CHMP2B: variants seen among roughly 807,000 people sequenced by gnomAD.
The protein encoded by CHMP2B is charged multivesicular body protein 2B, also known as VPS2 homolog B.
CHMP2B carries 22 observed loss-of-function variants against 29.8 expected under a neutral mutation model. The ratio of observed to expected loss-of-function variants is 0.74; its 90% CI spans 0.53 to 1.05. CHMP2B has a LOEUF of 1.05. Ranked by LOEUF, CHMP2B falls within the 50% of genes least tolerant of loss-of-function variation. The pLI is 0.00. For missense variants in CHMP2B, 261 were observed against 252.2 expected (o/e 1.03, Z -0.24); for synonymous variants, 78 against 75.8 (o/e 1.03, Z -0.15).
chr3:87,249,530 A>G (rs1265314654), intron 3 of CHMP2B, among the ~76,000 whole-genome samples: 4 of 152,022 alleles, frequency 2.6e-5, no homozygotes, highest in Non-Finnish European at 1.5e-5. Context: ...AATTAAATTT[A>G]AAAATTTATT....
chr3:87,237,406 G>C (rs1437079396), intron 1 of CHMP2B, among the ~76,000 whole-genome samples: 1 of 152,144 alleles, frequency 6.6e-6, no homozygotes, highest in Non-Finnish European at 1.5e-5. Flanking sequence ...CAGCAAGAAG[G>C]TGGCCATCTG....
At chr3:87,250,452 A>C (rs564939656) in intron 4 of CHMP2B, among the ~76,000 whole-genome samples, 1 of 151,988 alleles carries the variant, frequency 6.6e-6, no homozygotes, top group African/African-American at 2.4e-5. Flanking sequence ...AGAGCATATA[A>C]AAATTACCAC....
chr3:87,246,903 G>A (rs1706223624), intron 3 of CHMP2B, among the ~76,000 whole-genome samples: 1 of 152,172 alleles, frequency 6.6e-6, no homozygotes. Flanking sequence ...GTCATGCTAA[G>A]CTTTATGAAC....
At chr3:87,238,592 T>C (rs774087842) in intron 1 of CHMP2B, among the ~76,000 whole-genome samples, 1 of 152,200 alleles carries the variant, frequency 6.6e-6, no homozygotes, top group Non-Finnish European at 1.5e-5. Context: ...CTTACCATAA[T>C]GTTTTTGAGG....
At chr3:87,242,423 C>T (rs1018776074) in intron 2 of CHMP2B, among the ~76,000 whole-genome samples, 10 of 152,070 alleles carry the variant, frequency 6.6e-5, no homozygotes, top group African/African-American at 2.4e-5. Flanking sequence ...CTTCTGTCTA[C>T]TTGTCACAAT....
intron 3 of CHMP2B, among the ~76,000 whole-genome samples, chr3:87,247,852 C>T (rs1300446751): frequency 3.3e-5 from 5 of 151,960 alleles, no homozygotes; most frequent in African/African-American, 1.2e-4. Context: ...TGGTGGACAC[C>T]CTAAACACTC....
chr3:87,235,313 T>C (rs1160080411), intron 1 of CHMP2B, among the ~76,000 whole-genome samples: 2 of 152,212 alleles, frequency 1.3e-5, no homozygotes, highest in Non-Finnish European at 1.5e-5. Context: ...GGATTTAATA[T>C]AGAGATTGTT....
At position 87,245,778 on chromosome 3, in the gene CHMP2B, A is replaced by T; in HGVS notation, c.191A>T (p.Gln64Leu). The change falls in exon 3 of 6, where the codon CAA (glutamine) becomes CTA (leucine). Residue 64 changes from glutamine to leucine, a missense_variant. Transcript: ENST00000263780. ...NKEACKVLAK[Q>L]LVHLRKQKTR... ...GAAGCTTGCAAAGTTTTAGCCAAAC[A>T]ACTTGTGCATCTACGGAAACAGAAG... 1 of 1,613,938 alleles carries T rather than the reference A, an allele frequency of 6.2e-7. No individual in the cohort carries two copies. Among genetic ancestry groups the T allele is most frequent in the African/African-American group, 1.3e-5 (1 of 75,042 alleles).
rs184397906 is a variant in CHMP2B at position 87,246,326 on chromosome 3, C to T, written c.321+418C>T. Among the ~76,000 whole-genome samples, 3 of 152,014 alleles carry T rather than the reference C, an allele frequency of 2.0e-5. No homozygotes were observed. In the East Asian group the frequency reaches 5.8e-4, roughly 30 times the overall value. ...CTAATTTTTGTATTTTTAGTAGAGA[C>T]GAGGTTTCACATGCTGGCCAGGCTG... is the stretch of plus-strand genomic sequence containing the variant. On this transcript the variant is annotated intron_variant, in intron 3 of 5. Coordinates refer to ENST00000263780, the MANE Select transcript of CHMP2B (RefSeq NM_014043.4).
intron 1 of CHMP2B, among the ~76,000 whole-genome samples, chr3:87,235,195 A>C (rs932733992): frequency 6.6e-6 from 1 of 152,222 alleles, no homozygotes; most frequent in Non-Finnish European, 1.5e-5. Flanking sequence ...ACCTACTAAG[A>C]AATAAATCTA....
chr3:87,252,747 TAA>T (rs1179271509), intron 4 of CHMP2B, among the ~76,000 whole-genome samples: 1 of 151,854 alleles, frequency 6.6e-6, no homozygotes, highest in East Asian at 1.9e-4. Flanking sequence ...GATTCAAAGA[TAA>T]AAAAGACATA....
chr3:87,229,459 T>C (rs1180268969), intron 1 of CHMP2B, among the ~76,000 whole-genome samples: 1 of 152,074 alleles, frequency 6.6e-6, no homozygotes, highest in African/African-American at 2.4e-5. Context: ...TTTTCTTATA[T>C]TATTGTGTCA....
chr3:87,232,899 G>A (rs1281809014), intron 1 of CHMP2B, among the ~76,000 whole-genome samples: 2 of 152,292 alleles, frequency 1.3e-5, no homozygotes, highest in East Asian at 1.9e-4. Context: ...TTTAGCTCTT[G>A]AAAACCAGTG....
At chr3:87,251,815 T>G (rs1412020484) in intron 4 of CHMP2B, among the ~76,000 whole-genome samples, 1 of 151,836 alleles carries the variant, frequency 6.6e-6, no homozygotes, top group Non-Finnish European at 1.5e-5. Flanking sequence ...GATTACACCT[T>G]TCTAATCTTT....
chr3:87,242,934 A>G (rs1706146172), intron 2 of CHMP2B, among the ~76,000 whole-genome samples: 1 of 152,116 alleles, frequency 6.6e-6, no homozygotes, highest in East Asian at 1.9e-4. Flanking sequence ...TTGCATTTCT[A>G]TAGGAACTTT....
chr3:87,252,420 C>A (rs1321222253), intron 4 of CHMP2B, among the ~76,000 whole-genome samples: 1 of 151,250 alleles, frequency 6.6e-6, no homozygotes, highest in Non-Finnish European at 1.5e-5. Flanking sequence ...CCTTAAATAA[C>A]AACCAAACAG....
At chr3:87,232,407 G>T (rs2106892409) in intron 1 of CHMP2B, among the ~76,000 whole-genome samples, 1 of 152,220 alleles carries the variant, frequency 6.6e-6, no homozygotes, top group African/African-American at 2.4e-5. Context: ...GCAGAATTCA[G>T]ATCTTTCCCA....
chr3:87,249,190 C>G (rs1330653083), intron 3 of CHMP2B, among the ~76,000 whole-genome samples: 5 of 151,990 alleles, frequency 3.3e-5, no homozygotes, highest in Non-Finnish European at 7.4e-5. Context: ...CTAAACATAG[C>G]TAAACATAAG....
chr3:87,245,826 C>G lies in CHMP2B; in HGVS notation c.239C>G (p.Ser80Ter), dbSNP rs1454933078. Residue 80 changes from serine to a stop codon, truncating the protein, a stop_gained, in exon 3 of 6, where the codon TCA (serine) becomes TGA (stop). Transcript: ENST00000263780. LOFTEE classifies it high-confidence loss of function. ...KQKTRTFAVS[S>*]KVTSMSTQTK... ...AAGACGAGAACTTTTGCTGTAAGTT[C>G]AAAAGTTACTTCTATGTCTACACAA... 6.2e-7 allele frequency: 1 copy of G among 1,613,694 alleles called. No homozygotes were observed. The highest frequency in any genetic ancestry group is 8.5e-7 in the Non-Finnish European group (1 of 1,179,850).
Sources: gnomAD v4.1 joint callset for allele counts (sites outside exome capture counted in the v4.1 genomes callset) on GRCh38, gnomAD v4.1.1 for gene constraint, MANE v1.5 for transcripts, NCBI Gene and HGNC (gene_info 2026-07-23, HGNC 2026-07-21) for gene names.